DNAH3: variants seen among roughly 807,000 people sequenced by gnomAD.
DNAH3 encodes axonemal beta dynein heavy chain 3.
DNAH3 carries 332 observed loss-of-function variants against 432.5 expected under a neutral mutation model. The ratio of observed to expected loss-of-function variants is 0.77; its 90% CI spans 0.70 to 0.84. DNAH3 has a LOEUF of 0.84. Ranked by LOEUF, DNAH3 falls within the 40% of genes least tolerant of loss-of-function variation. The probability of loss-of-function intolerance (pLI) is 0.00; values close to 1 mark genes in which losing one functional copy is unlikely to be tolerated. For synonymous variants in DNAH3, 1,956 were observed against 1,900.2 expected (o/e 1.03, Z -0.76); for missense variants, 4,861 against 5,114.0 (o/e 0.95, Z 1.51).
At chr16:21,068,462 C>T (rs1054435585) in intron 23 of DNAH3, among the ~76,000 whole-genome samples, 1 of 152,086 alleles carries the variant, frequency 6.6e-6, no homozygotes, top group African/African-American at 2.4e-5. Flanking sequence ...TACAGGTGCA[C>T]ACCACCATAC....
intron 1 of DNAH3, among the ~76,000 whole-genome samples, chr16:21,149,284 C>G (rs534077961): frequency 1.3e-5 from 2 of 151,942 alleles, no homozygotes; most frequent in Non-Finnish European, 2.9e-5. Context: ...TAAATCTTCT[C>G]TTTGGTAAAT....
intron 1 of DNAH3, among the ~76,000 whole-genome samples, chr16:21,156,611 A>T (rs1012431363): frequency 6.6e-6 from 1 of 152,114 alleles, no homozygotes; most frequent in Non-Finnish European, 1.5e-5. Context: ...GCCTAATCCC[A>T]TCACATTGGG....
intron 28 of DNAH3, 105 bp from the exon 29 acceptor site, chr16:21,051,973 C>G: frequency 3.5e-6 from 3 of 859,998 alleles, no homozygotes; most frequent in Non-Finnish European, 5.5e-6. Flanking sequence ...CCCCATTCTC[C>G]AAACTATTTT....
intron 20 of DNAH3, among the ~76,000 whole-genome samples, chr16:21,078,562 C>T (rs186666334): frequency 4.6e-5 from 7 of 152,344 alleles, no homozygotes; most frequent in African/African-American, 9.6e-5. Flanking sequence ...AAGGCCCAGC[C>T]TCCAGTACTC....
At chr16:21,014,934 AAAAC>A (rs60746627) in intron 41 of DNAH3, among the ~76,000 whole-genome samples, 58,556 of 151,730 alleles carry the variant, frequency 0.39, 11,759 homozygotes, top group African/African-American at 0.51. Flanking sequence ...AAAGAAATAA[AAAAC>A]AGTCTAAATA....
chr16:21,106,719 TCATCAC>T (rs770767164), intron 14 of DNAH3, 45 bp from the exon 15 acceptor site: 7 of 1,362,440 alleles, frequency 5.1e-6, no homozygotes, highest in Non-Finnish European at 5.8e-6. Context: ...ATCATCACCA[TCATCAC>T]CATCTAAAAT....
At chr16:21,124,630 C>T (rs1186739786) in intron 9 of DNAH3, among the ~76,000 whole-genome samples, 1 of 149,842 alleles carries the variant, frequency 6.7e-6, no homozygotes, top group African/African-American at 2.5e-5. Flanking sequence ...GCATATCTAT[C>T]ATCTCAAACA....
exon 11 of DNAH3, chr16:21,120,745 ATTG>A: frequency 1.2e-6 from 2 of 1,612,624 alleles, no homozygotes; most frequent in African/African-American, 2.7e-5. Flanking sequence ...GGTACCTGCC[ATTG>A]CAGTGGCAGC....
intron 18 of DNAH3, among the ~76,000 whole-genome samples, chr16:21,090,120 T>C (rs1397167156): frequency 1.3e-5 from 2 of 151,830 alleles, no homozygotes; most frequent in African/African-American, 2.4e-5. Flanking sequence ...TCCAAAAACT[T>C]ATTCAAGATA....
intron 8 of DNAH3, among the ~76,000 whole-genome samples, chr16:21,127,460 C>T (rs2092466411): frequency 6.6e-6 from 1 of 151,456 alleles, no homozygotes; most frequent in Admixed American, 6.6e-5. Flanking sequence ...ACTGGGGGCG[C>T]TGAGGCAGGA....
At chr16:20,944,186 G>C (rs1293245153) in intron 58 of DNAH3, among the ~76,000 whole-genome samples, 1 of 84,912 alleles carries the variant, frequency 1.2e-5, no homozygotes, top group African/African-American at 4.9e-5. Context: ...ACATTATGTA[G>C]AAAAAAAAGC....
intron 41 of DNAH3, among the ~76,000 whole-genome samples, chr16:21,016,875 A>G (rs1159287708): frequency 6.6e-6 from 1 of 152,240 alleles, no homozygotes; most frequent in Non-Finnish European, 1.5e-5. Flanking sequence ...CGCCGAAGAC[A>G]TTATGCTAAG....
At chr16:21,039,214 CTTTTTTTTTTTTT>C (rs200708542) in intron 33 of DNAH3, among the ~76,000 whole-genome samples, 3 of 126,010 alleles carry the variant, frequency 2.4e-5, no homozygotes, top group Non-Finnish European at 1.6e-5. Flanking sequence ...TATAGTGTTG[CTTTTTTTTTTTTT>C]TTTTTTTTTG....
chr16:21,007,584 C>A (rs2087373893), intron 41 of DNAH3, among the ~76,000 whole-genome samples: 1 of 152,120 alleles, frequency 6.6e-6, no homozygotes, highest in Admixed American at 6.5e-5. Context: ...ATTAAATTAT[C>A]ATCACTCTAT....
intron 11 of DNAH3, among the ~76,000 whole-genome samples, chr16:21,119,128 G>C (rs1478818667): frequency 1.3e-5 from 2 of 152,178 alleles, no homozygotes; most frequent in Non-Finnish European, 2.9e-5. Context: ...GAGATGGAGG[G>C]ACTGGCACTG....
At chr16:20,989,980 C>T (rs2086470316) in intron 44 of DNAH3, among the ~76,000 whole-genome samples, 1 of 152,222 alleles carries the variant, frequency 6.6e-6, no homozygotes, top group African/African-American at 2.4e-5. Flanking sequence ...TCCAGCTGGC[C>T]TGCAAGCGCC....
At chr16:20,969,889 C>T (rs770043942) in exon 52 of DNAH3, 9 of 1,614,004 alleles carry the variant, frequency 5.6e-6, no homozygotes, top group African/African-American at 2.7e-5. Flanking sequence ...GGTTCTGCAT[C>T]GACTTCACCA....
chr16:20,979,406 C>A, exon 50 of DNAH3: 1 of 1,614,164 alleles, frequency 6.2e-7, no homozygotes. Flanking sequence ...TTGCCTCTTG[C>A]TATTCAGGAG....
At chr16:21,121,094 A>G (rs997704961) in intron 10 of DNAH3, 1 of 627,712 alleles carries the variant, frequency 1.6e-6, no homozygotes, top group South Asian at 1.5e-5. Flanking sequence ...TGAAGCATAC[A>G]TAATGCATGG....
Sources: allele counts gnomAD v4.1 joint callset (sites outside exome capture counted in the v4.1 genomes callset), GRCh38; gene constraint gnomAD v4.1.1; transcripts MANE v1.5; gene names NCBI Gene and HGNC (gene_info 2026-07-23, HGNC 2026-07-21).